The following CCPG1 variants were observed in gnomAD, a reference collection of about 807,000 sequenced individuals.
The protein encoded by CCPG1 is cell cycle progression protein 1.
Under a neutral mutation model 81.3 loss-of-function variants are expected in CCPG1, and 46 were observed. The ratio of observed to expected loss-of-function variants is 0.57; its 90% CI spans 0.45 to 0.72. The LOEUF (loss-of-function observed/expected upper bound fraction) is 0.72. CCPG1 is among the 30% of genes least tolerant of loss of function. CCPG1 has a pLI of 0.00. For synonymous variants in CCPG1, 330 were observed against 305.2 expected (o/e 1.08, Z -0.85); for missense variants, 902 against 937.6 (o/e 0.96, Z 0.50).
intron 1 of CCPG1, among the ~76,000 whole-genome samples, chr15:55,399,446 G>A (rs34847344): frequency 0.048 from 6,919 of 145,154 alleles, 245 homozygotes; most frequent in Non-Finnish European, 0.062. Flanking sequence ...AAAACTAGCC[G>A]GGCATGGTGG....
At chr15:55,404,531 G>A (rs1030082254) in intron 1 of CCPG1, among the ~76,000 whole-genome samples, 25 of 152,178 alleles carry the variant, frequency 1.6e-4, no homozygotes, top group East Asian at 7.7e-4. Flanking sequence ...GGTTCTGAAC[G>A]TGATTCAATG....
Position 55,371,905 on chromosome 15 carries a change from T to G in CCPG1, c.594A>C (p.Gln198His), listed in dbSNP as rs761511814. 6.2e-7 allele frequency: 1 copy of G among 1,614,232 alleles called. No individual in the cohort carries two copies. Among genetic ancestry groups the G allele is most frequent in the Non-Finnish European group, 8.5e-7 (1 of 1,180,034 alleles). ...SESEDRLVAE[Q>H]ETEPSKELSK... ...TCAACTCCTTAGAAGGTTCAGTTTCTTGTTCAGCAACTAGCCGGTCTTCAG... is the reference window on the plus strand; with the variant it reads ...TCAACTCCTTAGAAGGTTCAGTTTCGTGTTCAGCAACTAGCCGGTCTTCAG... The change falls in exon 6 of 9, where the codon CAA (glutamine) becomes CAC (histidine). Residue 198 changes from glutamine (Q) to histidine (H), a missense_variant. This residue lies in a region of CCPG1 where 746 missense variants were observed against 728.6 expected (regional missense o/e 1.02). Coordinates refer to ENST00000442196, the MANE Select transcript of CCPG1 (RefSeq NM_001204450.2).
At position 55,355,502 on chromosome 15, in the gene CCPG1, TGG is replaced by T; in HGVS notation, c.*716_*717del. On this transcript the variant is annotated 3_prime_UTR_variant, in exon 9 of 9. Transcript: ENST00000442196. The stretch of plus-strand genomic sequence containing the variant: ...GCTGCTTAAATACTTCGGTAAACAC[TGG>T]GTAAGATTCATGGAACTTAGAAAAA... 1 of 1,253,072 alleles carries T rather than the reference TGG, an allele frequency of 8.0e-7. No homozygotes were observed. Among genetic ancestry groups the T allele is most frequent in the Non-Finnish European group, 1.1e-6 (1 of 894,220 alleles). The allele number at this position is 1,253,072 out of a possible 1,614,324, so 77.6% of individuals were successfully genotyped here. A position where few individuals can be genotyped will look rare whatever the true frequency, so the allele number is the denominator to read the frequency against.
At position 55,359,748 on chromosome 15, in the gene CCPG1, G is replaced by A. The variant is rs759989171; in HGVS notation, c.2025C>T (p.Asn675=). The A allele has an allele frequency of 1.2e-5, 19 of 1,613,264 alleles. No homozygotes were observed. Among genetic ancestry groups the A allele is most frequent in the Middle Eastern group, 1.7e-4 (1 of 6,058 alleles). ...ACTTATTGATGAACTGATCAAGTTCGTTCCAGTGACAAAAAGTATCCAGTT... is the reference window on the plus strand; with the variant it reads ...ACTTATTGATGAACTGATCAAGTTCATTCCAGTGACAAAAAGTATCCAGTT... ...LKELDTFCHW[N]ELDQFINKFF... Residue 675 remains asparagine, a synonymous_variant, in exon 8 of 9, where the codon AAC becomes AAT. Transcript: ENST00000442196.
At chr15:55,385,168 C>CTTTG (rs777821194) in intron 3 of CCPG1, among the ~76,000 whole-genome samples, 1 of 152,080 alleles carries the variant, frequency 6.6e-6, no homozygotes. Context: ...TGAAGTTTTT[C>CTTTG]TTTGTTTGTT....
At chr15:55,368,712 T>C (rs2056382985) in intron 6 of CCPG1, among the ~76,000 whole-genome samples, 2 of 152,366 alleles carry the variant, frequency 1.3e-5, no homozygotes, top group Middle Eastern at 3.4e-3. Context: ...TCCTTAGTCA[T>C]GCTAGCTTTC....
At position 55,371,838 on chromosome 15, in the gene CCPG1, G is replaced by A. The variant is rs745509492; in HGVS notation, c.661C>T (p.Leu221Phe). Residue 221 changes from leucine (L) to phenylalanine (F), a missense_variant, in exon 6 of 9, where the codon CTT becomes TTT. By Grantham distance (22) the Leu-to-Phe change is conservative. Transcript: ENST00000442196. ...ATGCTGATTGCAATCACCAAAGCAA[G>A]TATAACACACTTATTGAGACCACTA... ...FSSGLNKCVILALVIAISMGF... is the reference protein window; with the variant it reads ...FSSGLNKCVIFALVIAISMGF... 12 of 1,614,050 alleles carry A rather than the reference G, an allele frequency of 7.4e-6. No homozygotes were observed. Among genetic ancestry groups the A allele is most frequent in the Admixed American group, 5.0e-5 (3 of 59,996 alleles).
rs145824051 is a variant in CCPG1, at chr15:55,390,984, A to G, written c.-9-1551T>C. 4.7e-3 allele frequency among the ~76,000 whole-genome samples: 709 copies of G among 152,346 alleles called. 8 individuals carry two copies. Among genetic ancestry groups the G allele is most frequent in the African/African-American group, 0.016 (677 of 41,564 alleles). On this transcript the variant is annotated intron_variant, in intron 1 of 8. Coordinates refer to ENST00000442196, the MANE Select transcript of CCPG1 (RefSeq NM_001204450.2). ...TTTAAAAGTAAACTTACAGAAAACTACTACGGTAAAATAAATTTTTTCTGT... is the reference window on the plus strand; with the variant it reads ...TTTAAAAGTAAACTTACAGAAAACTGCTACGGTAAAATAAATTTTTTCTGT...
chr15:55,374,997 T>C (rs1044956075), intron 5 of CCPG1, among the ~76,000 whole-genome samples: 4 of 152,232 alleles, frequency 2.6e-5, no homozygotes, highest in South Asian at 2.1e-4. Context: ...CTGGTTTATA[T>C]GCAGTGTTTT....
At chr15:55,376,302 A>C (rs2056564148) in intron 5 of CCPG1, among the ~76,000 whole-genome samples, 1 of 152,216 alleles carries the variant, frequency 6.6e-6, no homozygotes, top group Admixed American at 6.5e-5. Context: ...AACTGAGCTG[A>C]AGCATAGCAG....
At chr15:55,383,824 T>G (rs1221063133) in intron 3 of CCPG1, among the ~76,000 whole-genome samples, 1 of 152,224 alleles carries the variant, frequency 6.6e-6, no homozygotes, top group Non-Finnish European at 1.5e-5. Flanking sequence ...TTGTTCTGGA[T>G]TAGGCTATGG....
chr15:55,362,515 T>C (rs1376553289), intron 7 of CCPG1, among the ~76,000 whole-genome samples: 1 of 152,170 alleles, frequency 6.6e-6, no homozygotes, highest in Non-Finnish European at 1.5e-5. Context: ...AGAAATTTCT[T>C]CTACCCAACA....
chr15:55,381,663 G>C (rs1235317458), intron 3 of CCPG1, among the ~76,000 whole-genome samples: 1 of 152,102 alleles, frequency 6.6e-6, no homozygotes, highest in South Asian at 2.1e-4. Flanking sequence ...TTTCTCCTGA[G>C]GGGAAATGTT....
chr15:55,362,141 A>G (rs575335589), intron 7 of CCPG1, among the ~76,000 whole-genome samples: 1 of 152,342 alleles, frequency 6.6e-6, no homozygotes, highest in African/African-American at 2.4e-5. Context: ...TAGTAACAAA[A>G]TCTAACCAAA....
At chr15:55,356,829 C>T in intron 8 of CCPG1, 1 of 990,104 alleles carries the variant, frequency 1.0e-6, no homozygotes, top group Non-Finnish European at 1.2e-6. Context: ...AAGCTCACAA[C>T]ACCTACACCG....
At chr15:55,388,375 A>C (rs1334185945) in intron 2 of CCPG1, among the ~76,000 whole-genome samples, 1 of 152,188 alleles carries the variant, frequency 6.6e-6, no homozygotes, top group Admixed American at 6.5e-5. Flanking sequence ...TATGTATATC[A>C]ATCTTCTATT....
chr15:55,395,030 T>C (rs2056988893), intron 1 of CCPG1, among the ~76,000 whole-genome samples: 1 of 152,092 alleles, frequency 6.6e-6, no homozygotes, highest in Non-Finnish European at 1.5e-5. Context: ...GAGACTGATC[T>C]CCCATGTCCT....
chr15:55,392,515 G>A (rs2056941469), intron 1 of CCPG1, among the ~76,000 whole-genome samples: 1 of 150,100 alleles, frequency 6.7e-6, no homozygotes, highest in African/African-American at 2.5e-5. Flanking sequence ...ACCGCACCTG[G>A]CCATGATTTT....
rs199694170 is a variant in CCPG1, at chr15:55,359,891, C to G, written c.1882G>C (p.Ala628Pro). ...GCACAATCAAATACACCAGAACAAG[C>G]CTTTCTGAAAGAATGAGAATTTTCT... ...CRENSHSFRKACSGVFDCAQQ... is the reference protein window; with the variant it reads ...CRENSHSFRKPCSGVFDCAQQ... The change falls in exon 8 of 9, where the codon GCT becomes CCT. Residue 628 changes from alanine to proline, a missense_variant. By Grantham distance (27) the Ala-to-Pro change is conservative. Around this residue, in one of 3 missense-constraint regions of CCPG1, gnomAD observed 746 missense variants for 728.6 expected, o/e 1.02. Transcript: ENST00000442196. 1,897 of 1,613,728 alleles carry G rather than the reference C, an allele frequency of 1.2e-3. 2 individuals carry two copies. The highest frequency in any genetic ancestry group is 2.1e-3 in the Middle Eastern group (13 of 6,060).
Sources: gnomAD v4.1 joint callset for allele counts (sites outside exome capture counted in the v4.1 genomes callset) on GRCh38, gnomAD v4.1.1 for gene constraint, gnomAD v4.1.1 regional missense constraint, MANE v1.5 for transcripts, NCBI Gene and HGNC (gene_info 2026-07-23, HGNC 2026-07-21) for gene names.